JMY: variants seen among roughly 807,000 people sequenced by gnomAD.
JMY encodes the protein junction mediating and regulatory protein, p53 cofactor, also known as junction-mediating and -regulatory protein.
In JMY, 46 loss-of-function variants were observed where a neutral mutation model predicts 103.3. The observed-to-expected ratio is 0.45, with a 90% confidence interval of 0.35 to 0.57. The LOEUF (loss-of-function observed/expected upper bound fraction) is 0.57, where lower values mean the gene tolerates loss of function less well. JMY is among the 20% of genes least tolerant of loss of function. The pLI, the probability that JMY is intolerant of heterozygous loss-of-function variation, is 0.00. For missense variants in JMY, 1,238 were observed against 1,255.2 expected, an observed-to-expected ratio of 0.99 and a Z score of 0.21; for synonymous variants, 526 against 489.3, an observed-to-expected ratio of 1.07 and a Z score of -0.99.
At chr5:79,240,808 A>T (rs1264711757) in intron 1 of JMY, among the ~76,000 whole-genome samples, 1 of 152,250 alleles carries the variant, frequency 6.6e-6, no homozygotes, top group Non-Finnish European at 1.5e-5. Flanking sequence ...TCTTAAGCTA[A>T]TTAAATTTAA....
At chr5:79,312,216 T>C (rs1044333129) in intron 7 of JMY, among the ~76,000 whole-genome samples, 187 bp from the exon 8 acceptor site, 1 of 152,214 alleles carries the variant, frequency 6.6e-6, no homozygotes, top group Non-Finnish European at 1.5e-5. Flanking sequence ...AAATATTTCA[T>C]GTTTCATGCT....
In JMY at chr5:79,278,014, C is replaced by CT; in HGVS notation, c.1138dup (p.Tyr380LeufsTer29). Reference sequence around the variant, plus strand: ...GCCTTGCAGAAGCTACAACCGAACTCTATCAGTATTTACTACAGCCATTCC... The same window carrying CT: ...GCCTTGCAGAAGCTACAACCGAACTCTTATCAGTATTTACTACAGCCATTCC... On this transcript the variant is annotated frameshift_variant, in exon 2 of 11. Transcript: ENST00000396137. LOFTEE classifies it high-confidence loss of function. The CT allele has an allele frequency of 6.2e-7, 1 of 1,614,062 alleles. No homozygotes were observed.
At chr5:79,277,379 C>A (rs545487648) in intron 1 of JMY, among the ~76,000 whole-genome samples, 1 of 151,876 alleles carries the variant, frequency 6.6e-6, no homozygotes, top group East Asian at 1.9e-4. Flanking sequence ...GTAATCTTAG[C>A]ACTTTGGGAG....
chr5:79,261,236 G>A (rs1745411070), intron 1 of JMY, among the ~76,000 whole-genome samples: 1 of 151,998 alleles, frequency 6.6e-6, no homozygotes, highest in Admixed American at 6.6e-5. Flanking sequence ...AGGTTTTTCT[G>A]CTAAAATTTT....
chr5:79,305,027 GGATA>G (rs1746838751), intron 6 of JMY, among the ~76,000 whole-genome samples: 1 of 152,146 alleles, frequency 6.6e-6, no homozygotes, highest in African/African-American at 2.4e-5. Flanking sequence ...CCATTGCACT[GGATA>G]GATTCTTGAT....
At chr5:79,289,064 A>G (rs947046339) in intron 2 of JMY, among the ~76,000 whole-genome samples, 3 of 151,740 alleles carry the variant, frequency 2.0e-5, no homozygotes, top group African/African-American at 4.8e-5. Flanking sequence ...ACAAAACCCC[A>G]TCTATAATAA....
At chr5:79,272,112 TAAAAAAAAAAAAAA>T (rs758443549) in intron 1 of JMY, among the ~76,000 whole-genome samples, 1 of 135,856 alleles carries the variant, frequency 7.4e-6, no homozygotes, top group Non-Finnish European at 1.6e-5. Flanking sequence ...ATTCTGTCTT[TAAAAAAAAAAAAAA>T]AAAGAAGTTC....
chr5:79,266,182 G>A (rs1745583401), intron 1 of JMY, among the ~76,000 whole-genome samples: 1 of 152,178 alleles, frequency 6.6e-6, no homozygotes, highest in Admixed American at 6.5e-5. Context: ...ATTCACAGAG[G>A]CGTTCAGTTT....
rs1747516315 is a variant in JMY, at chr5:79,323,099, T to C, written c.*1497T>C. On this transcript the variant is annotated 3_prime_UTR_variant, in exon 11 of 11. Transcript: ENST00000396137. Reference sequence around the variant, plus strand: ...ATTATTTCAAAACAAAACAGGCACATGCCACCATGCCCCAGCTAATTTTTA... The same window carrying C: ...ATTATTTCAAAACAAAACAGGCACACGCCACCATGCCCCAGCTAATTTTTA... 1 of 152,188 alleles carries C rather than the reference T, an allele frequency of 6.6e-6. No individual in the cohort carries two copies. The highest frequency in any genetic ancestry group is 6.5e-5 in the Admixed American group (1 of 15,282). The allele number at this position is 152,188 out of a possible 1,614,324, so 9.4% of individuals were successfully genotyped here. A position where few individuals can be genotyped will look rare whatever the true frequency, so the allele number is the denominator to read the frequency against.
At chr5:79,275,709 T>TCTCTACTAA (rs1745918456) in intron 1 of JMY, among the ~76,000 whole-genome samples, 1 of 152,240 alleles carries the variant, frequency 6.6e-6, no homozygotes, top group Admixed American at 6.5e-5. Context: ...ACTGCTTAGC[T>TCTCTACTAA]AATACTAGAG....
At chr5:79,238,203 A>G (rs909868652) in intron 1 of JMY, among the ~76,000 whole-genome samples, 1 of 152,174 alleles carries the variant, frequency 6.6e-6, no homozygotes, top group African/African-American at 2.4e-5. Flanking sequence ...CCTAGTGACT[A>G]TCGGATGCAA....
intron 1 of JMY, among the ~76,000 whole-genome samples, chr5:79,267,106 C>T (rs1745607634): frequency 6.6e-6 from 1 of 152,102 alleles, no homozygotes; most frequent in Admixed American, 6.6e-5. Context: ...TTCAGTCTTC[C>T]CTATTATTAA....
chr5:79,271,031 G>A (rs751154346), intron 1 of JMY, among the ~76,000 whole-genome samples: 2 of 151,872 alleles, frequency 1.3e-5, no homozygotes, highest in Non-Finnish European at 2.9e-5. Context: ...TAAATATTTT[G>A]TGGAGGATTT....
chr5:79,325,990 C>T lies in JMY; in HGVS notation c.*4388C>T, dbSNP rs1024589654. On this transcript the variant is annotated 3_prime_UTR_variant, in exon 11 of 11. Transcript: ENST00000396137. ...TTTGCCCACAGTAAATGTACAACTT[C>T]GCAATTGTAGGATTTAATTGATTGA... is the stretch of plus-strand genomic sequence containing the variant. 6.6e-5 allele frequency: 10 copies of T among 152,094 alleles called. No homozygotes were observed. Among genetic ancestry groups the T allele is most frequent in the East Asian group, 1.9e-4 (1 of 5,188 alleles). The allele number at this position is 152,094 out of a possible 1,614,324, so 9.4% of individuals were successfully genotyped here. A position where few individuals can be genotyped will look rare whatever the true frequency, so the allele number is the denominator to read the frequency against.
intron 1 of JMY, among the ~76,000 whole-genome samples, chr5:79,254,899 T>G (rs6864443): frequency 2.0e-5 from 3 of 151,816 alleles, no homozygotes; most frequent in African/African-American, 7.3e-5. Flanking sequence ...TTCTTTCTTC[T>G]GCTTGATCAG....
chr5:79,306,607 T>C lies in JMY; in HGVS notation c.1968+146T>C, dbSNP rs191959104. 2.1e-4 allele frequency: 128 copies of C among 619,484 alleles called. No homozygotes were observed. In the African/African-American group the frequency reaches 2.2e-3, roughly 11 times the overall value. The allele number at this position is 619,484 out of a possible 1,614,324, so 38.4% of individuals were successfully genotyped here. On this transcript the variant is annotated intron_variant, in intron 7 of 10. Coordinates refer to ENST00000396137, the MANE Select transcript of JMY (RefSeq NM_152405.5). ...TATAATGAGCAGTTTTTAGGCAAAATTGATTGGAGAATACAGAGTTCCTAT... is the reference window on the plus strand; with the variant it reads ...TATAATGAGCAGTTTTTAGGCAAAACTGATTGGAGAATACAGAGTTCCTAT...
At chr5:79,308,114 A>G (rs909248590) in intron 7 of JMY, among the ~76,000 whole-genome samples, 3 of 151,520 alleles carry the variant, frequency 2.0e-5, no homozygotes, top group South Asian at 2.1e-4. Context: ...TTTGGCTTAC[A>G]CTCCTTTATC....
In JMY at chr5:79,300,379, T is replaced by C. The variant is rs116691197; in HGVS notation, c.1693+61T>C. On this transcript the variant is annotated intron_variant, in intron 5 of 10. Transcript: ENST00000396137. The stretch of plus-strand genomic sequence containing the variant: ...GATTGAATACATGAGAAAATACTTA[T>C]GGACTAGGTATGTTTCTTTTGTTAA... The C allele has an allele frequency of 1.8e-3, 2,549 of 1,407,908 alleles. 38 individuals carry two copies. In the African/African-American group the frequency reaches 0.034, roughly 19 times the overall value. The allele number at this position is 1,407,908 out of a possible 1,614,324, so 87.2% of individuals were successfully genotyped here. A position where few individuals can be genotyped will look rare whatever the true frequency, so the allele number is the denominator to read the frequency against.
intron 1 of JMY, among the ~76,000 whole-genome samples, chr5:79,270,677 ATATT>A (rs1439143362): frequency 7.6e-6 from 1 of 130,888 alleles, no homozygotes; most frequent in East Asian, 2.2e-4. Context: ...AATATAAAAT[ATATT>A]TATATTAATA....
Sources: allele counts gnomAD v4.1 joint callset (sites outside exome capture counted in the v4.1 genomes callset), GRCh38; gene constraint gnomAD v4.1.1; transcripts MANE v1.5; gene names NCBI Gene and HGNC (gene_info 2026-07-23, HGNC 2026-07-21).